RUNX1: variants seen among roughly 807,000 people sequenced by gnomAD.
The protein encoded by RUNX1 is RUNX family transcription factor 1, also known as runt-related transcription factor 1.
In RUNX1, 19 loss-of-function variants were observed where a neutral mutation model predicts 42.8. The ratio of observed to expected loss-of-function variants is 0.44; its 90% confidence interval spans 0.31 to 0.65. RUNX1 has a LOEUF of 0.65. RUNX1 is among the 30% of genes least tolerant of loss of function. The pLI is 0.07. For missense variants in RUNX1, 528 were observed against 672.0 expected (o/e 0.79, Z 2.37); for synonymous variants, 271 against 289.4 (o/e 0.94, Z 0.64).
At chr21:34,821,522 G>C (rs1569025522) in intron 7 of RUNX1, 1 of 1,509,818 alleles carries the variant, frequency 6.6e-7, no homozygotes, top group Non-Finnish European at 8.9e-7. Flanking sequence ...GGGACACGGA[G>C]GAATTACAGA....
intron 2 of RUNX1, among the ~76,000 whole-genome samples, chr21:34,949,457 A>C (rs1295853587): frequency 2.6e-5 from 4 of 152,262 alleles, no homozygotes; most frequent in African/African-American, 4.8e-5. Context: ...GCAGAGATGC[A>C]ACCTTCAGCA....
At chr21:34,801,106 G>C (rs956958392) in intron 7 of RUNX1, among the ~76,000 whole-genome samples, 4 of 151,298 alleles carry the variant, frequency 2.6e-5, no homozygotes, top group Non-Finnish European at 4.4e-5. Context: ...TTTGCTCCAA[G>C]TGAAAAAAAA....
intron 2 of RUNX1, among the ~76,000 whole-genome samples, chr21:35,047,561 ACTCTCTCTCTCT>A (rs55862184): frequency 1.0e-3 from 48 of 46,804 alleles, no homozygotes; most frequent in African/African-American, 4.1e-3. Flanking sequence ...ACACACACAC[ACTCTCTCTCTCT>A]CTCTCTCTCT....
chr21:34,821,455 C>T, intron 7 of RUNX1: 3 of 1,385,398 alleles, frequency 2.2e-6, no homozygotes, highest in Non-Finnish European at 2.8e-6. Context: ...TTAATCCTCA[C>T]AATTGTCCCA....
chr21:34,822,123 C>T (rs1025391901), intron 7 of RUNX1, among the ~76,000 whole-genome samples: 2 of 152,164 alleles, frequency 1.3e-5, no homozygotes, highest in Non-Finnish European at 2.9e-5. Flanking sequence ...ACGGGAACTG[C>T]AGTATCCAGA....
chr21:34,829,246 G>C (rs182191309), intron 7 of RUNX1, among the ~76,000 whole-genome samples: 1 of 152,242 alleles, frequency 6.6e-6, no homozygotes, highest in East Asian at 1.9e-4. Context: ...TCAAATACAT[G>C]CTCCAACTAC....
At position 34,890,806 on chromosome 21, in the gene RUNX1, G is replaced by A. The variant is rs375061832; in HGVS notation, c.97+2119C>T. ...ATCGCGCGCGCCCGCCCGCCCGCAG[G>A]GGCCGCAGCGCCTTTGCCTGCGGGT... On this transcript the variant is annotated intron_variant, in intron 3 of 8. Coordinates refer to ENST00000675419, the MANE Select transcript of RUNX1 (RefSeq NM_001754.5). 2.2e-3 allele frequency among the ~76,000 whole-genome samples: 306 copies of A among 136,068 alleles called. 1 individual carries two copies. Among genetic ancestry groups the A allele is most frequent in the African/African-American group, 7.2e-3 (265 of 36,848 alleles). The allele number at this position is 136,068 out of a possible 152,430, so 89.3% of individuals were successfully genotyped here.
intron 2 of RUNX1, among the ~76,000 whole-genome samples, chr21:34,986,543 A>G (rs966049034): frequency 2.0e-5 from 3 of 148,516 alleles, no homozygotes; most frequent in African/African-American, 7.5e-5. Context: ...TGTAAATGTG[A>G]TTTGTTAAGA....
chr21:34,992,092 T>C (rs998025231), intron 2 of RUNX1, among the ~76,000 whole-genome samples: 2 of 152,208 alleles, frequency 1.3e-5, no homozygotes, highest in Non-Finnish European at 2.9e-5. Flanking sequence ...GCCACCCAGT[T>C]TGTAGTAATG....
At chr21:34,997,855 A>G (rs953631094) in intron 2 of RUNX1, among the ~76,000 whole-genome samples, 4 of 152,080 alleles carry the variant, frequency 2.6e-5, no homozygotes, top group Non-Finnish European at 5.9e-5. Flanking sequence ...TCTCTCCCCA[A>G]CACCCCCAAT....
chr21:35,026,992 C>A (rs2059242023), intron 2 of RUNX1, among the ~76,000 whole-genome samples: 1 of 152,254 alleles, frequency 6.6e-6, no homozygotes. Flanking sequence ...CTGAGGCTGT[C>A]AGCATCCCAG....
intron 6 of RUNX1, among the ~76,000 whole-genome samples, chr21:34,852,895 T>A (rs930849680): frequency 1.3e-4 from 20 of 152,228 alleles, no homozygotes; most frequent in Non-Finnish European, 1.9e-4. Flanking sequence ...TGTGGATTGG[T>A]AATTACAATC....
chr21:34,840,497 CACA>C (rs2057217825), intron 6 of RUNX1, among the ~76,000 whole-genome samples: 2 of 152,222 alleles, frequency 1.3e-5, no homozygotes, highest in Admixed American at 6.5e-5. Context: ...TAAAAGCATC[CACA>C]ACAATTACAT....
intron 2 of RUNX1, among the ~76,000 whole-genome samples, chr21:34,972,880 C>T (rs1222626693): frequency 6.6e-6 from 1 of 152,132 alleles, no homozygotes; most frequent in Non-Finnish European, 1.5e-5. Flanking sequence ...GACTTTTCTC[C>T]CTCAACATCT....
chr21:34,943,162 C>CAG lies in RUNX1; in HGVS notation c.59-50201_59-50200dup, dbSNP rs1318289068. ...CTGAAGGAAACAAGCACAAATGCTTCAGTGAAAACAAACTAATTTCATTCT... is the reference window on the plus strand; with the variant it reads ...CTGAAGGAAACAAGCACAAATGCTTCAGAGTGAAAACAAACTAATTTCATTCT... On this transcript the variant is annotated intron_variant, in intron 2 of 8. Coordinates refer to ENST00000675419, the MANE Select transcript of RUNX1 (RefSeq NM_001754.5). Among the ~76,000 whole-genome samples the CAG allele has an allele frequency of 3.3e-5, 5 of 152,230 alleles. No homozygotes were observed. In the East Asian group the frequency reaches 7.7e-4, roughly 23 times the overall value.
chr21:34,959,998 G>A (rs1247624816), intron 2 of RUNX1, among the ~76,000 whole-genome samples: 2 of 152,152 alleles, frequency 1.3e-5, no homozygotes, highest in Non-Finnish European at 2.9e-5. Flanking sequence ...GGGCTCCAGT[G>A]GGAAATCTGG....
At chr21:34,869,021 T>C (rs2057701385) in intron 5 of RUNX1, among the ~76,000 whole-genome samples, 2 of 152,218 alleles carry the variant, frequency 1.3e-5, no homozygotes, top group Admixed American at 1.3e-4. Flanking sequence ...TGAATACTTA[T>C]GGAATGCCTG....
Position 34,792,381 on chromosome 21 carries a change from G to C in RUNX1, c.1197C>G (p.Ser399Arg). 1.3e-6 allele frequency: 2 copies of C among 1,566,494 alleles called. No individual in the cohort carries two copies. The highest frequency in any genetic ancestry group is 1.9e-5 in the Admixed American group (1 of 52,218). ...CGTAGTACAGGTGGTAGGAGGGCGAGCTGGCTTGGAACGGGCCTCCCTGCG... is the reference window on the plus strand; with the variant it reads ...CGTAGTACAGGTGGTAGGAGGGCGACCTGGCTTGGAACGGGCCTCCCTGCG... ...SQAQGGPFQA[S>R]SPSYHLYYGA... The change falls in exon 9 of 9, where the codon AGC (serine) becomes AGG (arginine). Residue 399 changes from serine to arginine, a missense_variant. Around this residue, in one of 3 missense-constraint regions of RUNX1, gnomAD observed 331 missense variants for 382.5 expected, o/e 0.87. Coordinates refer to ENST00000675419, the MANE Select transcript of RUNX1 (RefSeq NM_001754.5). The surrounding 1 kb of genome is among the most constrained non-coding windows in gnomAD (Gnocchi z 6.9).
chr21:34,868,251 T>C (rs943163266), intron 5 of RUNX1, among the ~76,000 whole-genome samples: 4 of 152,138 alleles, frequency 2.6e-5, no homozygotes, highest in Non-Finnish European at 4.4e-5. Context: ...TGCCTGGCGC[T>C]GCTTGAAAGG....
Sources: allele counts gnomAD v4.1 joint callset (sites outside exome capture counted in the v4.1 genomes callset), GRCh38; gene constraint gnomAD v4.1.1; regional missense constraint gnomAD v4.1.1; non-coding constraint Gnocchi (gnomAD v3.1); transcripts MANE v1.5; gene names NCBI Gene and HGNC (gene_info 2026-07-23, HGNC 2026-07-21).